Variants in RUSC2 observed in about 807,000 individuals in gnomAD.
The protein encoded by RUSC2 is RUN and SH3 domain containing 2, also known as AP-4 complex accessory subunit RUSC2.
RUSC2 carries 34 observed loss-of-function variants against 122.2 expected under a neutral mutation model. The ratio of observed to expected loss-of-function variants is 0.28; its 90% confidence interval spans 0.21 to 0.37. The LOEUF (loss-of-function observed/expected upper bound fraction) is 0.37, where lower values mean the gene tolerates loss of function less well. Ranked by LOEUF, RUSC2 falls within the 10% of genes least tolerant of loss-of-function variation. RUSC2 has a pLI of 1.00. For synonymous variants in RUSC2, 784 were observed against 790.0 expected, an observed-to-expected ratio of 0.99 and a Z score of 0.13; for missense variants, 1,747 against 1,952.4, an observed-to-expected ratio of 0.89 and a Z score of 1.98.
At chr9:35,544,549 T>C (rs987085703) in intron 1 of RUSC2, among the ~76,000 whole-genome samples, 3 of 152,038 alleles carry the variant, frequency 2.0e-5, no homozygotes, top group African/African-American at 7.2e-5. Flanking sequence ...CTCATGATTC[T>C]CCCACCTCGG....
intron 1 of RUSC2, among the ~76,000 whole-genome samples, chr9:35,506,698 C>T (rs1216688398): frequency 6.6e-6 from 1 of 152,130 alleles, no homozygotes; most frequent in African/African-American, 2.4e-5. Context: ...TAAAGAAGTA[C>T]AGAAGACAGA....
intron 1 of RUSC2, among the ~76,000 whole-genome samples, chr9:35,524,894 C>G (rs961589938): frequency 4.6e-5 from 7 of 151,798 alleles, no homozygotes; most frequent in Admixed American, 3.3e-4. Context: ...TGGCGTGAAC[C>G]CGGGAGGTGG....
intron 1 of RUSC2, among the ~76,000 whole-genome samples, chr9:35,524,050 G>A (rs768643427): frequency 8.6e-5 from 13 of 151,952 alleles, no homozygotes; most frequent in Non-Finnish European, 1.3e-4. Context: ...TTGGCCAGGC[G>A]CAGTGGCTCA....
chr9:35,531,401 G>A (rs1050070832), intron 1 of RUSC2, among the ~76,000 whole-genome samples: 6 of 152,202 alleles, frequency 3.9e-5, no homozygotes, highest in African/African-American at 9.6e-5. Flanking sequence ...AAGAGACAAC[G>A]AAGGTAAGAA....
chr9:35,555,837 A>G lies in RUSC2; in HGVS notation c.2657-115A>G. ...TCTGCATCCCTCCCTCAGCATCTGT[A>G]GATAATATCCACAGATAATCTAGTG... On this transcript the variant is annotated intron_variant, in intron 3 of 11. Transcript: ENST00000361226. This position sits in a 1 kb window ranked among gnomAD's most constrained non-coding sequence, Gnocchi z 4.6. 2.1e-6 allele frequency: 3 copies of G among 1,437,520 alleles called. No homozygotes were observed. Among genetic ancestry groups the G allele is most frequent in the Non-Finnish European group, 2.8e-6 (3 of 1,057,578 alleles). The allele number at this position is 1,437,520 out of a possible 1,614,324, so 89.0% of individuals were successfully genotyped here.
At chr9:35,533,544 T>C (rs1821465041) in intron 1 of RUSC2, among the ~76,000 whole-genome samples, 1 of 152,242 alleles carries the variant, frequency 6.6e-6, no homozygotes, top group African/African-American at 2.4e-5. Flanking sequence ...TTCACAGTTG[T>C]GCAACTATGA....
intron 1 of RUSC2, among the ~76,000 whole-genome samples, chr9:35,499,801 A>G (rs1820789141): frequency 6.6e-6 from 1 of 152,226 alleles, no homozygotes; most frequent in South Asian, 2.1e-4. Context: ...GGCAAAAGAA[A>G]AAGAGCAAAG....
At chr9:35,552,566 CAGTTGGTAGAGCTTCCAAAA>C (rs1264477000) in intron 2 of RUSC2, among the ~76,000 whole-genome samples, 1 of 152,112 alleles carries the variant, frequency 6.6e-6, no homozygotes, top group Admixed American at 6.5e-5. Flanking sequence ...ATTGAGTCAG[CAGTTGGTAGAGCTTCCAAAA>C]AGTTAAGATG....
chr9:35,535,385 G>T (rs1821502373), intron 1 of RUSC2, among the ~76,000 whole-genome samples: 1 of 150,900 alleles, frequency 6.6e-6, no homozygotes, highest in Non-Finnish European at 1.5e-5. Flanking sequence ...CAAAGTGCTA[G>T]GATTACAGGC....
chr9:35,520,000 C>G (rs1821182153), intron 1 of RUSC2, among the ~76,000 whole-genome samples: 1 of 152,190 alleles, frequency 6.6e-6, no homozygotes, highest in South Asian at 2.1e-4. Flanking sequence ...ACTCAGGACC[C>G]AGGCCAGGCT....
Position 35,548,101 on chromosome 9 carries a change from GCCCTGCAGC to G in RUSC2, c.1582_1590del (p.Pro528_Ala530del), listed in dbSNP as rs1821805038. 6 of 1,613,152 alleles carry G rather than the reference GCCCTGCAGC, an allele frequency of 3.7e-6. No individual in the cohort carries two copies. The East Asian group carries it at 6.7e-5, about 18-fold the overall frequency. ...AGTTGCCCAGTGCGCTTGAGTGAGGGCCCTGCAGCCATGGCCGGGCCTGGCTCCCCACCC... is the reference window on the plus strand; with the variant it reads ...AGTTGCCCAGTGCGCTTGAGTGAGGGCATGGCCGGGCCTGGCTCCCCACCC... On this transcript the variant is annotated inframe_deletion, in exon 2 of 12. Coordinates refer to ENST00000361226, the MANE Select transcript of RUSC2 (RefSeq NM_014806.5). This position sits in a 1 kb window ranked among gnomAD's most constrained non-coding sequence, Gnocchi z 4.5.
rs1821785377 is a variant in RUSC2, at chr9:35,547,583, C to G, written c.1062C>G (p.Ala354=). 1.2e-6 allele frequency: 2 copies of G among 1,614,236 alleles called. No homozygotes were observed. Among genetic ancestry groups the G allele is most frequent in the East Asian group, 2.2e-5 (1 of 44,886 alleles). Residue 354 remains alanine (A), a synonymous_variant, in exon 2 of 12, where the codon GCC becomes GCG. Transcript: ENST00000361226. The surrounding 1 kb of genome is among the most constrained non-coding windows in gnomAD (Gnocchi z 4.6). Reference sequence around the variant, plus strand: ...AAGGGGGCTATGGTTGCCCTCATGCCTCTTCTCCTGAGCTTGATGCCAACT... The same window carrying G: ...AAGGGGGCTATGGTTGCCCTCATGCGTCTTCTCCTGAGCTTGATGCCAACT... ...GREGGYGCPH[A]SSPELDANCN... is the part of the protein sequence containing the mutation.
At chr9:35,534,744 A>G (rs941955396) in intron 1 of RUSC2, among the ~76,000 whole-genome samples, 4 of 152,144 alleles carry the variant, frequency 2.6e-5, no homozygotes, top group African/African-American at 9.7e-5. Flanking sequence ...TGGCCTCCCA[A>G]AGCTCTGGGA....
rs1307206582 is a variant in RUSC2, at chr9:35,548,421, G to A, written c.1900G>A (p.Gly634Ser). ...GPHSSEMPPA[G>S]LRATGQGPLA... Reference sequence around the variant, plus strand: ...CCACTCCAGTGAGATGCCTCCTGCTGGCCTCAGAGCTACTGGGCAAGGCCC... The same window carrying A: ...CCACTCCAGTGAGATGCCTCCTGCTAGCCTCAGAGCTACTGGGCAAGGCCC... The change falls in exon 2 of 12, where the codon GGC becomes AGC. Residue 634 changes from glycine to serine, a missense_variant. Physicochemically the swap from Gly to Ser is moderately conservative, Grantham distance 56. Coordinates refer to ENST00000361226, the MANE Select transcript of RUSC2 (RefSeq NM_014806.5). This position sits in a 1 kb window ranked among gnomAD's most constrained non-coding sequence, Gnocchi z 4.5. 6.2e-7 allele frequency: 1 copy of A among 1,614,032 alleles called. No homozygotes were observed. Among genetic ancestry groups the A allele is most frequent in the Non-Finnish European group, 8.5e-7 (1 of 1,180,038 alleles).
intron 1 of RUSC2, among the ~76,000 whole-genome samples, chr9:35,509,066 G>T (rs1478603945): frequency 6.6e-6 from 1 of 152,108 alleles, no homozygotes; most frequent in Non-Finnish European, 1.5e-5. Flanking sequence ...GAATCAGAAT[G>T]AGGCTGGGCA....
intron 1 of RUSC2, among the ~76,000 whole-genome samples, chr9:35,522,794 C>T (rs1022311486): frequency 6.6e-6 from 1 of 152,214 alleles, no homozygotes; most frequent in African/African-American, 2.4e-5. Flanking sequence ...ATCAATCATG[C>T]AGTCTGAGGT....
intron 1 of RUSC2, among the ~76,000 whole-genome samples, chr9:35,531,243 A>G (rs2132530542): frequency 6.6e-6 from 1 of 152,268 alleles, no homozygotes; most frequent in South Asian, 2.1e-4. Context: ...CCTGGGCGAC[A>G]GAGCAAGACT....
chr9:35,504,542 C>T lies in RUSC2; in HGVS notation c.-93+14370C>T, dbSNP rs185464155. Among the ~76,000 whole-genome samples, 477 of 151,616 alleles carry T rather than the reference C, an allele frequency of 3.1e-3. 1 individual carries two copies. Among genetic ancestry groups the T allele is most frequent in the African/African-American group, 0.011 (439 of 41,330 alleles). On this transcript the variant is annotated intron_variant, in intron 1 of 11. Transcript: ENST00000361226. ...GTGCAATGGCACAATCTCGGCTCAC[C>T]GCAATCTCTGCCTCCCAGGTTCAAG...
chr9:35,555,493 A>T lies in RUSC2; in HGVS notation c.2448A>T (p.Pro816=). ...EQPTATESLP[P]WSHSCPSAVR... ...CCACAGCCACAGAAAGCCTGCCCCC[A>T]TGGAGCCACTCCTGTCCTTCTGCTG... The change falls in exon 3 of 12, where the codon CCA becomes CCT. Residue 816 remains proline, a synonymous_variant. Transcript: ENST00000361226. The surrounding 1 kb of genome is among the most constrained non-coding windows in gnomAD (Gnocchi z 4.6). The T allele has an allele frequency of 6.2e-7, 1 of 1,614,112 alleles. No homozygotes were observed. The highest frequency in any genetic ancestry group is 8.5e-7 in the Non-Finnish European group (1 of 1,179,986).
Sources: allele counts gnomAD v4.1 joint callset (sites outside exome capture counted in the v4.1 genomes callset), GRCh38; gene constraint gnomAD v4.1.1; non-coding constraint Gnocchi (gnomAD v3.1); transcripts MANE v1.5; gene names NCBI Gene and HGNC (gene_info 2026-07-23, HGNC 2026-07-21).